SLC66A2: variants seen among roughly 807,000 people sequenced by gnomAD.
SLC66A2 encodes the protein solute carrier family 66 member 2, also known as PQ loop repeat containing 1.
Under a neutral mutation model 25.5 loss-of-function variants are expected in SLC66A2, and 23 were observed. The observed-to-expected ratio is 0.90, with a 90% CI of 0.65 to 1.28. SLC66A2 has a LOEUF of 1.28. Among genes scored for constraint, SLC66A2 ranks in the 50% most tolerant of loss-of-function variants. The pLI is 0.00. For synonymous variants in SLC66A2, 193 were observed against 166.5 expected (o/e 1.16, Z -1.23); for missense variants, 396 against 373.1 (o/e 1.06, Z -0.51).
intron 4 of SLC66A2, among the ~76,000 whole-genome samples, chr18:79,932,181 A>G (rs1986634491): frequency 3.3e-5 from 5 of 152,230 alleles, no homozygotes; most frequent in Admixed American, 2.6e-4. Flanking sequence ...TAAATTTTAA[A>G]ATACTTTTAG....
At chr18:79,947,947 C>T (rs1029437666) in intron 2 of SLC66A2, among the ~76,000 whole-genome samples, 12 of 152,072 alleles carry the variant, frequency 7.9e-5, no homozygotes, top group Admixed American at 7.2e-4. Flanking sequence ...AGGTGGGCTT[C>T]GCTGTGTGGA....
At chr18:79,946,723 T>C (rs1318224200) in intron 2 of SLC66A2, among the ~76,000 whole-genome samples, 2 of 152,182 alleles carry the variant, frequency 1.3e-5, no homozygotes, top group East Asian at 3.9e-4. Context: ...ATCCCAGCAC[T>C]TTGGGAGGCC....
intron 5 of SLC66A2, among the ~76,000 whole-genome samples, chr18:79,910,722 CTG>C (rs989969111): frequency 2.0e-5 from 3 of 152,238 alleles, no homozygotes; most frequent in Non-Finnish European, 4.4e-5. Context: ...AATCTGCTGA[CTG>C]TGTCTATTTT....
chr18:79,929,153 A>G (rs771495429), intron 4 of SLC66A2, among the ~76,000 whole-genome samples: 4 of 152,246 alleles, frequency 2.6e-5, no homozygotes, highest in Non-Finnish European at 5.9e-5. Flanking sequence ...AAAGTTTATC[A>G]AACAGAACCA....
In SLC66A2 at chr18:79,927,760, G is replaced by A. The variant is rs868688364; in HGVS notation, c.391+6209C>T. 3.1e-4 allele frequency among the ~76,000 whole-genome samples: 47 copies of A among 152,250 alleles called. No individual in the cohort carries two copies. The highest frequency in any genetic ancestry group is 9.9e-4 in the African/African-American group (41 of 41,536). ...CGTGCCGGCTTCCAAAGAGGACCCCGGGAAACAAACACCCTCCCACTCGGC... is the reference window on the plus strand; with the variant it reads ...CGTGCCGGCTTCCAAAGAGGACCCCAGGAAACAAACACCCTCCCACTCGGC... On this transcript the variant is annotated intron_variant, in intron 4 of 5. Coordinates refer to ENST00000397778, the MANE Select transcript of SLC66A2 (RefSeq NM_025078.5). The surrounding 1 kb of genome is among the most constrained non-coding windows in gnomAD (Gnocchi z 6.2).
At chr18:79,928,096 C>T (rs190596640) in intron 4 of SLC66A2, among the ~76,000 whole-genome samples, 2 of 152,348 alleles carry the variant, frequency 1.3e-5, no homozygotes, top group East Asian at 3.9e-4. Context: ...TCACCGCGGC[C>T]AAGGGAGCCA....
At chr18:79,930,915 G>T (rs990761183) in intron 4 of SLC66A2, among the ~76,000 whole-genome samples, 1 of 152,176 alleles carries the variant, frequency 6.6e-6, no homozygotes, top group Non-Finnish European at 1.5e-5. Flanking sequence ...GACAAAATAT[G>T]TATAATAATC....
At chr18:79,915,009 A>C (rs1983784299) in intron 5 of SLC66A2, among the ~76,000 whole-genome samples, 1 of 152,224 alleles carries the variant, frequency 6.6e-6, no homozygotes, top group African/African-American at 2.4e-5. Flanking sequence ...GACGTGCGGC[A>C]CAAAGGCTGG....
chr18:79,912,572 T>G (rs2062281165), intron 5 of SLC66A2, among the ~76,000 whole-genome samples: 1 of 151,994 alleles, frequency 6.6e-6, no homozygotes, highest in South Asian at 2.1e-4. Flanking sequence ...TGATGTGTCC[T>G]GAAAGGCAAG....
intron 5 of SLC66A2, among the ~76,000 whole-genome samples, chr18:79,909,837 C>T (rs1412255872): frequency 7.5e-6 from 1 of 133,880 alleles, no homozygotes; most frequent in African/African-American, 2.9e-5. Flanking sequence ...CACCACCTCA[C>T]CAGAGTCCCC....
At chr18:79,942,487 G>T (rs1320009357) in intron 3 of SLC66A2, among the ~76,000 whole-genome samples, 1 of 152,126 alleles carries the variant, frequency 6.6e-6, no homozygotes, top group African/African-American at 2.4e-5. Flanking sequence ...GAAACACAGG[G>T]ACACAGCTCC....
rs1422908702 is a variant in SLC66A2, at chr18:79,904,224, G to A, written c.609-41C>T. ...CAGGCGGTCAGCGGTGGGGAGGGCG[G>A]CGACCTGGGCTCAGTCAGTGGGGAG... On this transcript the variant is annotated intron_variant, in intron 5 of 5. Coordinates refer to ENST00000397778, the MANE Select transcript of SLC66A2 (RefSeq NM_025078.5). The surrounding 1 kb of genome is among the most constrained non-coding windows in gnomAD (Gnocchi z 6.3). The A allele has an allele frequency of 6.4e-7, 1 of 1,573,790 alleles. No individual in the cohort carries two copies. Among genetic ancestry groups the A allele is most frequent in the African/African-American group, 1.4e-5 (1 of 73,936 alleles).
chr18:79,936,376 T>A (rs915315376), intron 3 of SLC66A2, among the ~76,000 whole-genome samples: 1 of 152,194 alleles, frequency 6.6e-6, no homozygotes, highest in Non-Finnish European at 1.5e-5. Context: ...ATACAACACA[T>A]TTTCCAGCTT....
At chr18:79,924,057 C>T (rs1599576793) in intron 4 of SLC66A2, among the ~76,000 whole-genome samples, 2 of 150,400 alleles carry the variant, frequency 1.3e-5, no homozygotes, top group Admixed American at 6.6e-5. Flanking sequence ...AAAAAAGGCA[C>T]TGGCGAGCTT....
rs972961363 is a variant in SLC66A2, at chr18:79,904,878, G to A, written c.609-695C>T. On this transcript the variant is annotated intron_variant, in intron 5 of 5. Transcript: ENST00000397778. The surrounding 1 kb of genome is among the most constrained non-coding windows in gnomAD (Gnocchi z 6.3). Reference sequence around the variant, plus strand: ...TGAAATGTTTAAATCAGCGGCCGCTGACCCTTCCACAGCTCCTGAAGCCAG... The same window carrying A: ...TGAAATGTTTAAATCAGCGGCCGCTAACCCTTCCACAGCTCCTGAAGCCAG... Among the ~76,000 whole-genome samples the A allele has an allele frequency of 6.6e-6, 1 of 152,222 alleles. No homozygotes were observed. Among genetic ancestry groups the A allele is most frequent in the Non-Finnish European group, 1.5e-5 (1 of 68,034 alleles).
rs530743502 is a variant in SLC66A2 at position 79,918,823 on chromosome 18, G to A, written c.608+361C>T. On this transcript the variant is annotated intron_variant, in intron 5 of 5. Transcript: ENST00000397778. This position sits in a 1 kb window ranked among gnomAD's most constrained non-coding sequence, Gnocchi z 4.0. ...AGGCAGCCCCCAGACCACCTTCCCT[G>A]CCCCACCAGACCCGCCCTGACCCTG... Among the ~76,000 whole-genome samples, 2 of 152,290 alleles carry A rather than the reference G, an allele frequency of 1.3e-5. No individual in the cohort carries two copies. Among genetic ancestry groups the A allele is most frequent in the Admixed American group, 1.3e-4 (2 of 15,296 alleles).
chr18:79,911,244 G>T (rs911222992), intron 5 of SLC66A2, among the ~76,000 whole-genome samples: 9 of 152,232 alleles, frequency 5.9e-5, no homozygotes, highest in African/African-American at 2.2e-4. Flanking sequence ...AGGGGCCAGT[G>T]GGGGCCTGGA....
intron 5 of SLC66A2, among the ~76,000 whole-genome samples, chr18:79,914,646 C>G (rs567179063): frequency 6.6e-6 from 1 of 152,312 alleles, no homozygotes; most frequent in East Asian, 1.9e-4. Flanking sequence ...GAGCGGTGGC[C>G]TGGACCCATG....
At chr18:79,914,391 C>A (rs1983677381) in intron 5 of SLC66A2, among the ~76,000 whole-genome samples, 1 of 152,214 alleles carries the variant, frequency 6.6e-6, no homozygotes, top group Non-Finnish European at 1.5e-5. Context: ...ACCACGACGC[C>A]CCCATCAGGC....
Sources: gnomAD v4.1 joint callset for allele counts (sites outside exome capture counted in the v4.1 genomes callset) on GRCh38, gnomAD v4.1.1 for gene constraint, Gnocchi (gnomAD v3.1) non-coding constraint, MANE v1.5 for transcripts, NCBI Gene and HGNC (gene_info 2026-07-23, HGNC 2026-07-21) for gene names.